The following QKI variants were observed in gnomAD, a reference collection of about 807,000 sequenced individuals.
QKI encodes the protein QKI, KH domain containing RNA binding.
Under a neutral mutation model 39.0 loss-of-function variants are expected in QKI, and 10 were observed. The ratio of observed to expected loss-of-function variants is 0.26; its 90% CI spans 0.16 to 0.43. The LOEUF (loss-of-function observed/expected upper bound fraction) is 0.43, where lower values mean the gene tolerates loss of function less well. Among genes scored for constraint, QKI ranks in the 20% least tolerant of loss-of-function variants. The probability of loss-of-function intolerance (pLI) is 1.00; values close to 1 mark genes in which losing one functional copy is unlikely to be tolerated. For missense variants in QKI, 218 were observed against 428.0 expected, an observed-to-expected ratio of 0.51 and a Z score of 4.33; for synonymous variants, 204 against 155.4, an observed-to-expected ratio of 1.31 and a Z score of -2.33.
At position 163,415,076 on chromosome 6, in the gene QKI, G is replaced by A. The variant is rs1204492982; in HGVS notation, c.-118G>A. On this transcript the variant is annotated 5_prime_UTR_variant, in exon 1 of 8. Transcript: ENST00000361752. ...GGCGCGGGAGCCAGAGCGGGAGCCGGCGCGGAGCGGGACGCCGGGTCCCGA... is the reference window on the plus strand; with the variant it reads ...GGCGCGGGAGCCAGAGCGGGAGCCGACGCGGAGCGGGACGCCGGGTCCCGA... 1 of 956,270 alleles carries A rather than the reference G, an allele frequency of 1.0e-6. No individual in the cohort carries two copies. The highest frequency in any genetic ancestry group is 1.2e-6 in the Non-Finnish European group (1 of 803,288). 59.2% of individuals were successfully genotyped at this position (956,270 alleles called of 1,614,324 possible).
Position 163,462,264 on chromosome 6 carries a change from T to A in QKI, c.285+6843T>A, listed in dbSNP as rs576029262. ...AGCCACTGCGCCCAGCCAGAAAACA[T>A]ATTTTATGTCTTAATAAACCCAGGA... On this transcript the variant is annotated intron_variant, in intron 2 of 7. Transcript: ENST00000361752. Among the ~76,000 whole-genome samples, 18 of 152,218 alleles carry A rather than the reference T, an allele frequency of 1.2e-4. No individual in the cohort carries two copies. The East Asian group carries it at 2.3e-3, about 20-fold the overall frequency.
At chr6:163,529,750 T>A (rs1780740884) in intron 3 of QKI, among the ~76,000 whole-genome samples, 1 of 152,170 alleles carries the variant, frequency 6.6e-6, no homozygotes, top group African/African-American at 2.4e-5. Context: ...CAGCAGCCAG[T>A]CTCTGTCAAA....
At chr6:163,432,329 A>G (rs1442322938) in intron 1 of QKI, among the ~76,000 whole-genome samples, 1 of 152,132 alleles carries the variant, frequency 6.6e-6, no homozygotes, top group Non-Finnish European at 1.5e-5. Context: ...GGAACAATTC[A>G]CTGAATATTT....
intron 2 of QKI, among the ~76,000 whole-genome samples, chr6:163,465,818 A>G (rs181030571): frequency 6.6e-6 from 1 of 151,984 alleles, no homozygotes; most frequent in South Asian, 2.1e-4. Context: ...ACTAACAACA[A>G]ACTATTCAAA....
intron 4 of QKI, among the ~76,000 whole-genome samples, chr6:163,553,252 C>T (rs184544167): frequency 3.9e-5 from 6 of 151,996 alleles, no homozygotes; most frequent in Non-Finnish European, 8.8e-5. Context: ...TACAGGCGTG[C>T]ACCACCATTG....
chr6:163,537,623 T>C (rs1167591419), intron 4 of QKI, among the ~76,000 whole-genome samples: 2 of 152,248 alleles, frequency 1.3e-5, no homozygotes, highest in African/African-American at 4.8e-5. Context: ...GGTTTGGAAT[T>C]CTCAGTTACG....
At position 163,455,172 on chromosome 6, in the gene QKI, G is replaced by C. The variant is rs556079280; in HGVS notation, c.143-107G>C. On this transcript the variant is annotated intron_variant, in intron 1 of 7. Transcript: ENST00000361752. ...AATAGGCCAGGAGCTCCTTATTTGA[G>C]TTTTAATGCTTTATCAATGAAACCC... 2.5e-5 allele frequency: 21 copies of C among 849,112 alleles called. No individual in the cohort carries two copies. In the South Asian group the frequency reaches 4.8e-4, roughly 19 times the overall value. 52.6% of individuals were successfully genotyped at this position (849,112 alleles called of 1,614,324 possible). A position where few individuals can be genotyped will look rare whatever the true frequency, so the allele number is the denominator to read the frequency against.
chr6:163,473,332 C>T (rs937715265), intron 2 of QKI, among the ~76,000 whole-genome samples: 4 of 152,082 alleles, frequency 2.6e-5, no homozygotes, highest in East Asian at 1.9e-4. Flanking sequence ...CTCACCACTA[C>T]GTTGTATTGG....
chr6:163,535,262 A>G lies in QKI; in HGVS notation c.546+137A>G, dbSNP rs998130979. 25 of 846,960 alleles carry G rather than the reference A, an allele frequency of 3.0e-5. No individual in the cohort carries two copies. The Admixed American group carries it at 6.5e-4, about 22-fold the overall frequency. The allele number at this position is 846,960 out of a possible 1,614,324, so 52.5% of individuals were successfully genotyped here. ...TTAAGCATAAAATTAAAAACACCTG[A>G]CTGATACTTCTAACATAATAAAAAC... On this transcript the variant is annotated intron_variant, in intron 4 of 7. Transcript: ENST00000361752.
At chr6:163,424,376 T>C (rs1788245687) in intron 1 of QKI, among the ~76,000 whole-genome samples, 1 of 152,240 alleles carries the variant, frequency 6.6e-6, no homozygotes, top group Non-Finnish European at 1.5e-5. Flanking sequence ...AATGAATTTA[T>C]GTTTTTGTGC....
At chr6:163,416,272 A>C (rs1185238681) in intron 1 of QKI, 1 of 231,488 alleles carries the variant, frequency 4.3e-6, no homozygotes, top group Non-Finnish European at 8.9e-6. Flanking sequence ...CAAGAAGATT[A>C]ATGTTGACCA....
At chr6:163,476,708 A>T (rs552642896) in intron 2 of QKI, among the ~76,000 whole-genome samples, 56 of 152,292 alleles carry the variant, frequency 3.7e-4, no homozygotes, top group Middle Eastern at 3.4e-3. Context: ...TCAGTGTGTG[A>T]GTGTCCAGTC....
chr6:163,426,219 G>T (rs903914056), intron 1 of QKI, among the ~76,000 whole-genome samples: 1 of 149,854 alleles, frequency 6.7e-6, no homozygotes, highest in South Asian at 2.1e-4. Context: ...TGGTTGTTAC[G>T]CCTTTTTAAA....
chr6:163,461,721 ATAAAGAT>A (rs1279315512), intron 2 of QKI, among the ~76,000 whole-genome samples: 2 of 152,294 alleles, frequency 1.3e-5, no homozygotes, highest in East Asian at 3.9e-4. Context: ...GCTGTTTCTG[ATAAAGAT>A]TAAAGGAAAG....
chr6:163,432,390 T>TCC (rs1179323449), intron 1 of QKI, among the ~76,000 whole-genome samples: 1 of 143,940 alleles, frequency 6.9e-6, no homozygotes, highest in Non-Finnish European at 1.5e-5. Flanking sequence ...TAATTTAAAA[T>TCC]CCCCCCCCTT....
At chr6:163,534,890 G>A in intron 3 of QKI, 92 bp from the exon 4 acceptor site, 2 of 1,043,156 alleles carry the variant, frequency 1.9e-6, no homozygotes, top group Non-Finnish European at 2.6e-6. Context: ...TGCAAACATA[G>A]CTGAAATAAT....
chr6:163,466,897 T>C (rs73015387), intron 2 of QKI, among the ~76,000 whole-genome samples: 22,894 of 152,122 alleles, frequency 0.15, 1,830 homozygotes, highest in East Asian at 0.26. Context: ...GCTGACATGC[T>C]TCTGCACAGC....
intron 3 of QKI, among the ~76,000 whole-genome samples, chr6:163,525,663 C>A (rs1303123042): frequency 6.6e-6 from 1 of 152,142 alleles, no homozygotes; most frequent in African/African-American, 2.4e-5. Context: ...CCACGCCCGG[C>A]CATCTTGTTT....
rs926973808 is a variant in QKI, at chr6:163,570,807, C to T, written c.*97C>T. ...CTGGTAATCGCCTTTGCTTGCCTGTCGTCAGTGCAGCGAGCTGAGGCACTT... is the reference window on the plus strand; with the variant it reads ...CTGGTAATCGCCTTTGCTTGCCTGTTGTCAGTGCAGCGAGCTGAGGCACTT... On this transcript the variant is annotated 3_prime_UTR_variant, in exon 8 of 8. Transcript: ENST00000361752. 1.7e-5 allele frequency: 26 copies of T among 1,515,460 alleles called. No individual in the cohort carries two copies. Among genetic ancestry groups the T allele is most frequent in the Non-Finnish European group, 2.1e-5 (23 of 1,111,886 alleles). 93.9% of individuals were successfully genotyped at this position (1,515,460 alleles called of 1,614,324 possible).
Sources: allele counts gnomAD v4.1 joint callset (sites outside exome capture counted in the v4.1 genomes callset), GRCh38; gene constraint gnomAD v4.1.1; transcripts MANE v1.5; gene names NCBI Gene and HGNC (gene_info 2026-07-23, HGNC 2026-07-21).